The following RELB variants were observed in gnomAD, a reference collection of about 807,000 sequenced individuals.
The protein encoded by RELB is RELB proto-oncogene, NF-kB subunit.
Under a neutral mutation model 55.4 loss-of-function variants are expected in RELB, and 14 were observed. That is an observed-to-expected ratio of 0.25 (90% CI 0.17 to 0.40). The LOEUF is 0.40. Ranked by LOEUF, RELB falls within the 10% of genes least tolerant of loss-of-function variation. RELB has a pLI of 1.00. For synonymous variants in RELB, 409 were observed against 371.3 expected (o/e 1.10, Z -1.17); for missense variants, 669 against 830.7 (o/e 0.81, Z 2.39).
intron 3 of RELB, 144 bp from the exon 4 acceptor site, chr19:45,011,792 G>GTA (rs1971357090): frequency 2.6e-6 from 1 of 390,184 alleles, no homozygotes; most frequent in African/African-American, 5.1e-5. Flanking sequence ...GTGTGTGTGT[G>GTA]TGTGTGAGAG....
chr19:45,032,848 C>T (rs150915807), intron 9 of RELB, 99 bp downstream of exon 9: 45 of 972,988 alleles, frequency 4.6e-5, no homozygotes, highest in Middle Eastern at 3.2e-4. Context: ...AACTAGAATG[C>T]AGGCTCAGAG....
chr19:45,022,569 C>T (rs1438622653), intron 5 of RELB, among the ~76,000 whole-genome samples: 3 of 133,646 alleles, frequency 2.2e-5, no homozygotes, highest in East Asian at 2.2e-4. Context: ...TTTTTTGGGA[C>T]GGAGTTTTGC....
Position 45,009,782 on chromosome 19 carries a change from CCTTTCT to C in RELB, c.155-16_155-11del, listed in dbSNP as rs550818102. 1,783 of 1,598,606 alleles carry C rather than the reference CCTTTCT, an allele frequency of 1.1e-3. 1 individual carries two copies. Among genetic ancestry groups the C allele is most frequent in the Non-Finnish European group, 1.5e-3 (1,711 of 1,179,192 alleles). On this transcript the variant is annotated intron_variant, in intron 2 of 11. Transcript: ENST00000221452. ...AGTTGTGACCACTTTCTGGACCTTA[CCTTTCT>C]CTTTCTCTTTCTCTTCCTTCCACAG... is the stretch of plus-strand genomic sequence containing the variant.
At chr19:45,003,569 G>A (rs752657492) in intron 2 of RELB, 6 of 517,528 alleles carry the variant, frequency 1.2e-5, no homozygotes, top group African/African-American at 9.7e-5. Flanking sequence ...TGGCTTAGTA[G>A]AAGGTAATCA....
chr19:45,015,205 G>A (rs1389108606), intron 4 of RELB, among the ~76,000 whole-genome samples: 1 of 152,084 alleles, frequency 6.6e-6, no homozygotes, highest in African/African-American at 2.4e-5. Flanking sequence ...GCCTGGCTTG[G>A]ATTCAGGATG....
intron 11 of RELB, among the ~76,000 whole-genome samples, chr19:45,035,207 G>A (rs1387741763): frequency 2.6e-5 from 4 of 151,248 alleles, no homozygotes; most frequent in African/African-American, 4.9e-5. Context: ...AGGATAGAAC[G>A]TTATTTCTTG....
At chr19:45,030,123 C>T (rs980439905) in intron 8 of RELB, among the ~76,000 whole-genome samples, 10 of 150,102 alleles carry the variant, frequency 6.7e-5, no homozygotes, top group African/African-American at 2.5e-4. Flanking sequence ...GCCAAGATTG[C>T]ACCACTGCTC....
chr19:45,034,319 G>A lies in RELB; in HGVS notation c.1276+7G>A. ...GGGGAGCTGAACAGCTCTGGTGTGT[G>A]CCCTCTGCCCCTTTCCACCCCCATC... is the stretch of plus-strand genomic sequence containing the variant. On this transcript the variant is annotated splice_region_variant and intron_variant, in intron 10 of 11. Coordinates refer to ENST00000221452, the MANE Select transcript of RELB (RefSeq NM_006509.4). 1 of 1,613,496 alleles carries A rather than the reference G, an allele frequency of 6.2e-7. No homozygotes were observed. The highest frequency in any genetic ancestry group is 8.5e-7 in the Non-Finnish European group (1 of 1,179,424).
chr19:45,017,214 A>G (rs1351240965), intron 4 of RELB, among the ~76,000 whole-genome samples: 1 of 152,172 alleles, frequency 6.6e-6, no homozygotes, highest in African/African-American at 2.4e-5. Context: ...GGGCTGAGCC[A>G]GTGACTCAAA....
chr19:45,014,168 C>CTTTTTTTTTTT (rs113601074), intron 4 of RELB, among the ~76,000 whole-genome samples: 18 of 126,802 alleles, frequency 1.4e-4, no homozygotes, highest in African/African-American at 5.6e-4. Flanking sequence ...ATTTCTAAGG[C>CTTTTTTTTTTT]TTTTTTTTTT....
chr19:45,011,564 C>T (rs1456656395), intron 3 of RELB, among the ~76,000 whole-genome samples: 1 of 152,040 alleles, frequency 6.6e-6, no homozygotes, highest in African/African-American at 2.4e-5. Context: ...TCAAGCTGTT[C>T]TCCTGCCTCA....
chr19:45,036,685 TATTA>T (rs1224258043), intron 11 of RELB, among the ~76,000 whole-genome samples: 2 of 151,972 alleles, frequency 1.3e-5, no homozygotes, highest in African/African-American at 2.4e-5. Flanking sequence ...GTTTACTTAT[TATTA>T]ATTATTTTTA....
intron 7 of RELB, among the ~76,000 whole-genome samples, chr19:45,026,555 A>AG (rs999896091): frequency 2.0e-5 from 3 of 148,000 alleles, no homozygotes; most frequent in African/African-American, 7.9e-5. Context: ...AAAAACAAGA[A>AG]AAAAAAACAT....
chr19:45,007,984 G>A lies in RELB; in HGVS notation c.155-1830G>A, dbSNP rs866401904. ...AGCCTGACTAACATAGTAAAACCCC[G>A]TCTCTGCTAAAAATACAAAAAAAAA... On this transcript the variant is annotated intron_variant, in intron 2 of 11. Coordinates refer to ENST00000221452, the MANE Select transcript of RELB (RefSeq NM_006509.4). Among the ~76,000 whole-genome samples, 65 of 119,412 alleles carry A rather than the reference G, an allele frequency of 5.4e-4. No individual in the cohort carries two copies. In the South Asian group the frequency reaches 9.4e-3, roughly 17 times the overall value. The allele number at this position is 119,412 out of a possible 152,430, so 78.3% of individuals were successfully genotyped here.
intron 1 of RELB, 82 bp downstream of exon 1, chr19:45,001,767 G>A: frequency 3.5e-6 from 3 of 845,328 alleles, no homozygotes; most frequent in Non-Finnish European, 5.3e-6. Flanking sequence ...AGTAGTCTGG[G>A]GGTTCCTATG....
intron 3 of RELB, among the ~76,000 whole-genome samples, 200 bp from the exon 4 acceptor site, chr19:45,011,736 C>CG (rs1363739111): frequency 6.8e-6 from 1 of 146,620 alleles, no homozygotes; most frequent in Non-Finnish European, 1.5e-5. Context: ...CGTGAGCCAC[C>CG]GCACCTGGCC....
At chr19:45,031,853 G>A (rs1971625640) in intron 8 of RELB, among the ~76,000 whole-genome samples, 1 of 151,544 alleles carries the variant, frequency 6.6e-6, no homozygotes, top group South Asian at 2.1e-4. Context: ...TGGGATTATG[G>A]GCGTGAGCCA....
chr19:45,021,175 CA>C (rs1168245718), intron 4 of RELB, among the ~76,000 whole-genome samples: 2 of 151,384 alleles, frequency 1.3e-5, no homozygotes, highest in African/African-American at 4.9e-5. Context: ...GACCCTGTCA[CA>C]AAAAAATTTA....
At chr19:45,026,810 A>C (rs1468923668) in intron 7 of RELB, among the ~76,000 whole-genome samples, 1 of 152,166 alleles carries the variant, frequency 6.6e-6, no homozygotes, top group African/African-American at 2.4e-5. Flanking sequence ...CACCCTCTAT[A>C]GAGGGATACA....
Sources: gnomAD v4.1 joint callset for allele counts (sites outside exome capture counted in the v4.1 genomes callset) on GRCh38, gnomAD v4.1.1 for gene constraint, MANE v1.5 for transcripts, NCBI Gene and HGNC (gene_info 2026-07-23, HGNC 2026-07-21) for gene names.